CSGALNACT1: variants seen among roughly 807,000 people sequenced by gnomAD.
CSGALNACT1 encodes beta4GalNAcT-1.
In CSGALNACT1, 52 loss-of-function variants were observed where a neutral mutation model predicts 51.0. The ratio of observed to expected loss-of-function variants is 1.02; its 90% CI spans 0.82 to 1.29. CSGALNACT1 has a LOEUF of 1.29. Ranked by LOEUF, CSGALNACT1 falls within the 50% of genes most tolerant of loss-of-function variation. The pLI, the probability that CSGALNACT1 is intolerant of heterozygous loss-of-function variation, is 0.00. For synonymous variants in CSGALNACT1, 341 were observed against 254.4 expected, an observed-to-expected ratio of 1.34 and a Z score of -3.24; for missense variants, 935 against 679.2, an observed-to-expected ratio of 1.38 and a Z score of -4.19.
At chr8:19,541,627 T>C (rs1280407104) in intron 3 of CSGALNACT1, among the ~76,000 whole-genome samples, 1 of 142,062 alleles carries the variant, frequency 7.0e-6, no homozygotes, top group Non-Finnish European at 1.5e-5. Flanking sequence ...CTCCAGCTCC[T>C]GACCTCAGGT....
At chr8:19,511,351 A>G (rs1460688139) in intron 3 of CSGALNACT1, among the ~76,000 whole-genome samples, 1 of 152,226 alleles carries the variant, frequency 6.6e-6, no homozygotes, top group African/African-American at 2.4e-5. Flanking sequence ...TTGGGCACAT[A>G]CAATCAGCTC....
At chr8:19,514,077 T>C (rs2079007616) in intron 3 of CSGALNACT1, among the ~76,000 whole-genome samples, 1 of 152,176 alleles carries the variant, frequency 6.6e-6, no homozygotes, top group South Asian at 2.1e-4. Context: ...AGCATCTATC[T>C]ATGGGCCAAG....
chr8:19,655,634 T>C (rs1201374272), intron 1 of CSGALNACT1, among the ~76,000 whole-genome samples: 1 of 152,086 alleles, frequency 6.6e-6, no homozygotes, highest in African/African-American at 2.4e-5. Context: ...GCCTATGCTA[T>C]AGTCTCAAAC....
rs531843767 is a variant in CSGALNACT1 at position 19,616,065 on chromosome 8, TA to T, written c.-543-14201del. ...CAAGATTGAATAAAATGCACCCATT[TA>T]AAAAAAAGTTTTGAAATACATTTAA... On this transcript the variant is annotated intron_variant, in intron 1 of 9. Transcript: ENST00000332246. Among the ~76,000 whole-genome samples the T allele has an allele frequency of 1.5e-3, 234 of 152,152 alleles. 1 individual carries two copies. Among genetic ancestry groups the T allele is most frequent in the Non-Finnish European group, 2.6e-3 (180 of 67,996 alleles).
At chr8:19,418,892 G>C (rs1335158874) in intron 7 of CSGALNACT1, 142 bp from the exon 7 acceptor site, 1 of 701,144 alleles carries the variant, frequency 1.4e-6, no homozygotes, top group African/African-American at 1.8e-5. Context: ...TGTCACCCAG[G>C]CTGCAATAGA....
At chr8:19,632,302 A>C (rs1481905758) in intron 1 of CSGALNACT1, among the ~76,000 whole-genome samples, 1 of 152,272 alleles carries the variant, frequency 6.6e-6, no homozygotes, top group Non-Finnish European at 1.5e-5. Flanking sequence ...GGCCCATTTT[A>C]CATTCCAATC....
At chr8:19,465,313 G>A (rs529136882) in intron 4 of CSGALNACT1, among the ~76,000 whole-genome samples, 2 of 152,318 alleles carry the variant, frequency 1.3e-5, no homozygotes, top group Admixed American at 6.5e-5. Context: ...GAGAGACAGA[G>A]TGTAGAATAG....
intron 6 of CSGALNACT1, among the ~76,000 whole-genome samples, chr8:19,434,296 C>A (rs924952584): frequency 7.2e-5 from 11 of 152,060 alleles, no homozygotes; most frequent in African/African-American, 2.4e-4. Context: ...ATATTTTCCC[C>A]ACATTTTTAT....
At chr8:19,605,584 G>T (rs527941924), upstream of CSGALNACT1, among the ~76,000 whole-genome samples, 1 of 152,178 alleles carries the variant, frequency 6.6e-6, no homozygotes, top group Non-Finnish European at 1.5e-5. Context: ...AAGAGCTCAT[G>T]TGTCATCACC....
intron 1 of CSGALNACT1, among the ~76,000 whole-genome samples, chr8:19,750,769 T>C (rs200533605): frequency 6.6e-6 from 1 of 152,182 alleles, no homozygotes; most frequent in African/African-American, 2.4e-5. Flanking sequence ...AGTACCTTCA[T>C]AGAACAGGTG....
At chr8:19,423,615 C>T (rs756779999) in intron 6 of CSGALNACT1, among the ~76,000 whole-genome samples, 9 of 152,110 alleles carry the variant, frequency 5.9e-5, no homozygotes, top group Non-Finnish European at 1.2e-4. Flanking sequence ...ACTTAAGGTA[C>T]CTAGTGTCTG....
intron 1 of CSGALNACT1, among the ~76,000 whole-genome samples, chr8:19,709,581 G>C (rs2062378111): frequency 6.6e-6 from 1 of 152,198 alleles, no homozygotes. Context: ...AACAGCAAGT[G>C]CTCCTGAGGC....
chr8:19,743,739 A>C (rs1435990332), intron 1 of CSGALNACT1, among the ~76,000 whole-genome samples: 1 of 152,232 alleles, frequency 6.6e-6, no homozygotes, highest in Non-Finnish European at 1.5e-5. Context: ...AGCAACTTTA[A>C]GATGGCTCCA....
At chr8:19,417,361 C>T (rs1264662851) in intron 8 of CSGALNACT1, among the ~76,000 whole-genome samples, 1 of 152,084 alleles carries the variant, frequency 6.6e-6, no homozygotes, top group Non-Finnish European at 1.5e-5. Context: ...AACCTGAGGG[C>T]CCCAAAGTTG....
chr8:19,461,779 AGC>A (rs2065535739), intron 4 of CSGALNACT1, among the ~76,000 whole-genome samples: 1 of 55,972 alleles, frequency 1.8e-5, no homozygotes, highest in African/African-American at 4.7e-5. Context: ...TCTGCACAGC[AGC>A]CACATTCACC....
In CSGALNACT1 at chr8:19,613,414, C is replaced by T. The variant is rs1183281494; in HGVS notation, c.-543-11549G>A. On this transcript the variant is annotated intron_variant, in intron 1 of 9. Transcript: ENST00000332246. Reference sequence around the variant, plus strand: ...CTAGTAACCTTTATCATCGCACAGACCGGTTTTCTTTGGTTGCGTTCACCA... The same window carrying T: ...CTAGTAACCTTTATCATCGCACAGATCGGTTTTCTTTGGTTGCGTTCACCA... 2.6e-5 allele frequency among the ~76,000 whole-genome samples: 4 copies of T among 152,200 alleles called. No individual in the cohort carries two copies. The East Asian group carries it at 7.7e-4, about 29-fold the overall frequency.
At chr8:19,607,887 T>C (rs2051620706) in intron 1 of CSGALNACT1, among the ~76,000 whole-genome samples, 1 of 152,198 alleles carries the variant, frequency 6.6e-6, no homozygotes, top group African/African-American at 2.4e-5. Flanking sequence ...TAGGAAGATA[T>C]GTTACAGATG....
intron 3 of CSGALNACT1, among the ~76,000 whole-genome samples, chr8:19,557,071 C>T (rs67210305): frequency 0.092 from 13,991 of 151,828 alleles, 662 homozygotes; most frequent in South Asian, 0.14. Flanking sequence ...TTCTAAAATG[C>T]TTTATTCAGG....
intron 1 of CSGALNACT1, among the ~76,000 whole-genome samples, chr8:19,670,648 G>C (rs75875271): frequency 1.2e-4 from 3 of 25,206 alleles, no homozygotes; most frequent in East Asian, 3.5e-3. Context: ...CACTACTGAA[G>C]ACAAAAAAAA....
Sources: gnomAD v4.1 joint callset for allele counts (sites outside exome capture counted in the v4.1 genomes callset) on GRCh38, gnomAD v4.1.1 for gene constraint, MANE v1.5 for transcripts, NCBI Gene and HGNC (gene_info 2026-07-23, HGNC 2026-07-21) for gene names.